Variants in PDE3A observed in about 807,000 individuals in gnomAD.
PDE3A encodes phosphodiesterase 3A.
Under a neutral mutation model 98.3 loss-of-function variants are expected in PDE3A, and 43 were observed. The observed-to-expected ratio is 0.44, with a 90% confidence interval of 0.34 to 0.56. The LOEUF (loss-of-function observed/expected upper bound fraction) is 0.56. Ranked by LOEUF, PDE3A falls within the 20% of genes least tolerant of loss-of-function variation. The pLI, the probability that PDE3A is intolerant of heterozygous loss-of-function variation, is 0.01. For missense variants in PDE3A, 1,427 were observed against 1,440.7 expected, an observed-to-expected ratio of 0.99 and a Z score of 0.15; for synonymous variants, 663 against 567.9, an observed-to-expected ratio of 1.17 and a Z score of -2.38.
intron 1 of PDE3A, among the ~76,000 whole-genome samples, chr12:20,406,532 A>T (rs1410384209): frequency 6.6e-6 from 1 of 152,186 alleles, no homozygotes; most frequent in Non-Finnish European, 1.5e-5. Flanking sequence ...CTTCTTTAAA[A>T]ATAGTTCTTT....
chr12:20,509,474 G>C (rs564112957), intron 1 of PDE3A, among the ~76,000 whole-genome samples: 2 of 152,062 alleles, frequency 1.3e-5, no homozygotes, highest in South Asian at 4.1e-4. Flanking sequence ...TTTTTGTCCA[G>C]TGAGATCTAT....
Position 20,431,622 on chromosome 12 carries a change from C to T in PDE3A, c.960+61378C>T, listed in dbSNP as rs537547935. The stretch of plus-strand genomic sequence containing the variant: ...ACACACACACACACACACACACACA[C>T]GCACACACACGCACGCACAAATGCA... On this transcript the variant is annotated intron_variant, in intron 1 of 15. Transcript: ENST00000359062. 4.0e-5 allele frequency among the ~76,000 whole-genome samples: 6 copies of T among 151,286 alleles called. No individual in the cohort carries two copies. The East Asian group carries it at 9.7e-4, about 24-fold the overall frequency.
intron 1 of PDE3A, among the ~76,000 whole-genome samples, chr12:20,445,940 G>C (rs1944945919): frequency 6.6e-6 from 1 of 152,128 alleles, no homozygotes; most frequent in Admixed American, 6.5e-5. Flanking sequence ...GCATATGACT[G>C]ACTCCTTCCT....
Position 20,663,742 on chromosome 12 carries a change from G to A in PDE3A, c.3184+9537G>A, listed in dbSNP as rs553970023. Among the ~76,000 whole-genome samples, 7 of 152,296 alleles carry A rather than the reference G, an allele frequency of 4.6e-5. No homozygotes were observed. In the East Asian group the frequency reaches 1.2e-3, roughly 25 times the overall value. On this transcript the variant is annotated intron_variant, in intron 15 of 15. Coordinates refer to ENST00000359062, the MANE Select transcript of PDE3A (RefSeq NM_000921.5). ...GATTTTGCAGGTTTATAGGCAGAAA[G>A]GACTTGCCTTGTCTCAGATGAGACC...
chr12:20,547,009 T>C (rs150232876), intron 1 of PDE3A, among the ~76,000 whole-genome samples: 1 of 152,218 alleles, frequency 6.6e-6, no homozygotes, highest in East Asian at 1.9e-4. Context: ...AATCCCTTTT[T>C]AAATTTAACA....
chr12:20,438,630 T>A (rs1394882290), intron 1 of PDE3A, among the ~76,000 whole-genome samples: 1 of 152,190 alleles, frequency 6.6e-6, no homozygotes, highest in East Asian at 1.9e-4. Flanking sequence ...ATGGACTTGC[T>A]ATGATGTGAG....
At chr12:20,437,449 A>G (rs1463042482) in intron 1 of PDE3A, among the ~76,000 whole-genome samples, 3 of 152,168 alleles carry the variant, frequency 2.0e-5, no homozygotes, top group African/African-American at 7.2e-5. Flanking sequence ...TAAATTATAA[A>G]GAAAAGAGGC....
Position 20,685,390 on chromosome 12 carries a change from C to T in PDE3A, c.*5119C>T, listed in dbSNP as rs1945930422. Among the ~76,000 whole-genome samples, 1 of 100,108 alleles carries T rather than the reference C, an allele frequency of 1.0e-5. No individual in the cohort carries two copies. Among genetic ancestry groups the T allele is most frequent in the South Asian group, 3.1e-4 (1 of 3,238 alleles). 65.7% of individuals were successfully genotyped at this position (100,108 alleles called of 152,430 possible). ...CACCATTGCACTCCAGCCTGGGCAA[C>T]AGGAGTTAAATTTTGCCTCAAAAAA... On this transcript the variant is annotated 3_prime_UTR_variant, in exon 16 of 16. Coordinates refer to ENST00000359062, the MANE Select transcript of PDE3A (RefSeq NM_000921.5).
intron 1 of PDE3A, among the ~76,000 whole-genome samples, chr12:20,417,023 G>C (rs1244521357): frequency 6.6e-6 from 1 of 152,054 alleles, no homozygotes; most frequent in African/African-American, 2.4e-5. Context: ...ATGAATGATG[G>C]TTGGGAACTT....
At chr12:20,669,950 A>G (rs1945426795) in intron 15 of PDE3A, among the ~76,000 whole-genome samples, 1 of 152,090 alleles carries the variant, frequency 6.6e-6, no homozygotes, top group Admixed American at 6.6e-5. Flanking sequence ...GTATTCAGGA[A>G]ACCCATCTCA....
intron 2 of PDE3A, among the ~76,000 whole-genome samples, chr12:20,576,239 T>C (rs1335919639): frequency 6.6e-6 from 1 of 152,052 alleles, no homozygotes. Context: ...ATTGAGAGAA[T>C]TGCTTAAATT....
At chr12:20,670,096 AAAG>A (rs1165178794) in intron 15 of PDE3A, among the ~76,000 whole-genome samples, 3 of 150,172 alleles carry the variant, frequency 2.0e-5, no homozygotes, top group Non-Finnish European at 4.4e-5. Flanking sequence ...CAAAAGAGAC[AAAG>A]AAGGCCATTA....
At chr12:20,468,156 A>G (rs1385619988) in intron 1 of PDE3A, among the ~76,000 whole-genome samples, 1 of 152,110 alleles carries the variant, frequency 6.6e-6, no homozygotes, top group Admixed American at 6.5e-5. Context: ...ACATAAATTC[A>G]TTATGACATT....
chr12:20,416,193 A>T (rs1422792721), intron 1 of PDE3A, among the ~76,000 whole-genome samples: 1 of 152,210 alleles, frequency 6.6e-6, no homozygotes. Context: ...TGTATATGAA[A>T]TTGGAGTGGT....
chr12:20,665,047 CT>C (rs1402214665), intron 15 of PDE3A, among the ~76,000 whole-genome samples: 3 of 152,168 alleles, frequency 2.0e-5, no homozygotes, highest in African/African-American at 2.4e-5. Context: ...TTCATTACCC[CT>C]GTCCTAATCC....
intron 15 of PDE3A, among the ~76,000 whole-genome samples, chr12:20,661,865 G>C (rs1406468575): frequency 6.6e-6 from 1 of 152,148 alleles, no homozygotes; most frequent in Non-Finnish European, 1.5e-5. Context: ...CTACCACACA[G>C]AGTTACTACT....
intron 2 of PDE3A, among the ~76,000 whole-genome samples, chr12:20,595,708 A>T (rs928988930): frequency 2.0e-5 from 3 of 152,168 alleles, no homozygotes; most frequent in Non-Finnish European, 2.9e-5. Flanking sequence ...CTTTTTAGTT[A>T]GACCTTATTC....
chr12:20,410,321 T>C (rs1302591160), intron 1 of PDE3A, among the ~76,000 whole-genome samples: 7 of 152,202 alleles, frequency 4.6e-5, no homozygotes, highest in Non-Finnish European at 7.4e-5. Context: ...GCATTCAGTA[T>C]TGGGACCAAG....
At chr12:20,388,167 G>A (rs1471473657) in intron 1 of PDE3A, among the ~76,000 whole-genome samples, 1 of 151,982 alleles carries the variant, frequency 6.6e-6, no homozygotes, top group African/African-American at 2.4e-5. Context: ...ACCTCCAGGT[G>A]CTTTTAGGAA....
Sources: gnomAD v4.1 joint callset for allele counts (sites outside exome capture counted in the v4.1 genomes callset) on GRCh38, gnomAD v4.1.1 for gene constraint, MANE v1.5 for transcripts, NCBI Gene and HGNC (gene_info 2026-07-23, HGNC 2026-07-21) for gene names.